Variants in MAGI2 observed in about 807,000 individuals in gnomAD.
MAGI2 encodes the protein membrane-associated guanylate kinase, WW and PDZ domain-containing protein 2.
Under a neutral mutation model 133.3 loss-of-function variants are expected in MAGI2, and 35 were observed. The ratio of observed to expected loss-of-function variants is 0.26; its 90% CI spans 0.20 to 0.35. The LOEUF (loss-of-function observed/expected upper bound fraction) is 0.35, where lower values mean the gene tolerates loss of function less well. Ranked by LOEUF, MAGI2 falls within the 10% of genes least tolerant of loss-of-function variation. The probability of loss-of-function intolerance (pLI) is 1.00; values close to 1 mark genes in which losing one functional copy is unlikely to be tolerated. For synonymous variants in MAGI2, 729 were observed against 710.6 expected (o/e 1.03, Z -0.41); for missense variants, 1,636 against 1,863.4 (o/e 0.88, Z 2.25).
At chr7:79,030,970 G>T (rs1031033006) in intron 1 of MAGI2, among the ~76,000 whole-genome samples, 1 of 152,142 alleles carries the variant, frequency 6.6e-6, no homozygotes, top group Non-Finnish European at 1.5e-5. Flanking sequence ...CTCAGGAACA[G>T]AATCTCAATA....
At chr7:78,603,492 G>A (rs1161630798) in intron 3 of MAGI2, among the ~76,000 whole-genome samples, 1 of 152,114 alleles carries the variant, frequency 6.6e-6, no homozygotes, top group Non-Finnish European at 1.5e-5. Flanking sequence ...AAGATTTGAA[G>A]CTTTCTTGAT....
At chr7:78,998,745 A>G (rs1246905375) in intron 2 of MAGI2, among the ~76,000 whole-genome samples, 1 of 152,184 alleles carries the variant, frequency 6.6e-6, no homozygotes, top group Non-Finnish European at 1.5e-5. Context: ...TTTAAGTCCC[A>G]TAAGAACACT....
intron 2 of MAGI2, among the ~76,000 whole-genome samples, chr7:78,819,027 T>C (rs1415089297): frequency 2.6e-5 from 4 of 152,128 alleles, no homozygotes; most frequent in African/African-American, 9.6e-5. Flanking sequence ...TACTGTTCTT[T>C]CAGTTTTTCT....
chr7:78,822,030 T>C (rs1276596962), intron 2 of MAGI2, among the ~76,000 whole-genome samples: 1 of 152,094 alleles, frequency 6.6e-6, no homozygotes, highest in Non-Finnish European at 1.5e-5. Flanking sequence ...TTTACACTGA[T>C]GAATATGCAA....
At position 78,508,137 on chromosome 7, in the gene MAGI2, C is replaced by T. The variant is rs571506729; in HGVS notation, c.755-6350G>A. 2.4e-4 allele frequency among the ~76,000 whole-genome samples: 36 copies of T among 152,260 alleles called. No homozygotes were observed. The South Asian group carries it at 7.3e-3, about 31-fold the overall frequency. ...CCAATTTCTTCTTTTTATAAGGACA[C>T]CAGTCATACTGGATGAAGGGTCTAC... is the stretch of plus-strand genomic sequence containing the variant. On this transcript the variant is annotated intron_variant, in intron 4 of 21. Transcript: ENST00000354212.
chr7:78,688,363 C>T (rs1034558130), intron 2 of MAGI2, among the ~76,000 whole-genome samples: 4 of 152,182 alleles, frequency 2.6e-5, no homozygotes, highest in African/African-American at 9.6e-5. Context: ...TTATTTTCTT[C>T]CTACCAAAAA....
chr7:79,335,313 GAACA>G (rs1408151459), intron 1 of MAGI2, among the ~76,000 whole-genome samples: 1 of 152,072 alleles, frequency 6.6e-6, no homozygotes, highest in Non-Finnish European at 1.5e-5. Context: ...GTGCTTGAGT[GAACA>G]TCAGTGACCA....
intron 1 of MAGI2, among the ~76,000 whole-genome samples, chr7:79,442,062 A>T (rs1585997075): frequency 2.0e-5 from 3 of 152,172 alleles, no homozygotes; most frequent in African/African-American, 7.2e-5. Context: ...ATTATCCCAT[A>T]CACTGCAACA....
intron 2 of MAGI2, among the ~76,000 whole-genome samples, chr7:78,918,038 C>A (rs992654787): frequency 6.6e-6 from 1 of 152,116 alleles, no homozygotes; most frequent in African/African-American, 2.4e-5. Flanking sequence ...AGGACTCCAA[C>A]TTCCTCGAAG....
At chr7:78,635,845 C>G (rs1052771551) in intron 2 of MAGI2, among the ~76,000 whole-genome samples, 3 of 152,192 alleles carry the variant, frequency 2.0e-5, no homozygotes, top group African/African-American at 7.2e-5. Flanking sequence ...TTGGCCAATG[C>G]CTGTAATCAA....
intron 21 of MAGI2, chr7:78,073,082 T>TA (rs1342995689): frequency 2.5e-5 from 10 of 396,856 alleles, no homozygotes; most frequent in Non-Finnish European, 4.0e-5. Flanking sequence ...ACTTACTGAT[T>TA]AAAGGAAGAC....
At chr7:78,699,125 T>C (rs1281923441) in intron 2 of MAGI2, among the ~76,000 whole-genome samples, 1 of 152,164 alleles carries the variant, frequency 6.6e-6, no homozygotes, top group African/African-American at 2.4e-5. Flanking sequence ...CTGTTGTTGT[T>C]TTGAATCAGG....
intron 1 of MAGI2, among the ~76,000 whole-genome samples, chr7:79,197,157 T>G (rs1004216777): frequency 1.3e-5 from 2 of 151,908 alleles, no homozygotes; most frequent in Non-Finnish European, 2.9e-5. Context: ...GAGCCTGTCC[T>G]TGTTCTTCCA....
chr7:78,574,171 C>G (rs1010056027), intron 3 of MAGI2, among the ~76,000 whole-genome samples: 9 of 152,182 alleles, frequency 5.9e-5, no homozygotes, highest in Non-Finnish European at 1.3e-4. Flanking sequence ...TTTACCCCAC[C>G]TTCAGCAAGC....
intron 9 of MAGI2, among the ~76,000 whole-genome samples, chr7:78,278,974 T>C (rs1173014689): frequency 1.3e-5 from 2 of 152,200 alleles, no homozygotes; most frequent in South Asian, 2.1e-4. Context: ...TTCAAACTTA[T>C]TTATTAAACT....
intron 2 of MAGI2, among the ~76,000 whole-genome samples, chr7:78,723,184 T>C (rs748138245): frequency 1.3e-5 from 2 of 152,196 alleles, no homozygotes; most frequent in Non-Finnish European, 2.9e-5. Context: ...TGATTTTTCT[T>C]CAAAACAAAA....
Position 78,913,038 on chromosome 7 carries a change from T to A in MAGI2, c.418+94052A>T, listed in dbSNP as rs115078072. Among the ~76,000 whole-genome samples, 978 of 151,960 alleles carry A rather than the reference T, an allele frequency of 6.4e-3. 8 individuals carry two copies. Among genetic ancestry groups the A allele is most frequent in the African/African-American group, 0.023 (937 of 41,454 alleles). On this transcript the variant is annotated intron_variant, in intron 2 of 21. Coordinates refer to ENST00000354212, the MANE Select transcript of MAGI2 (RefSeq NM_012301.4). ...CAGAGGGAACAGCTGTTTTGGAGCA[T>A]GGAGGCAAGAAGCAATGTAGTGACT...
At chr7:78,549,008 G>A (rs1247004582) in intron 3 of MAGI2, among the ~76,000 whole-genome samples, 11 of 151,950 alleles carry the variant, frequency 7.2e-5, no homozygotes, top group Non-Finnish European at 1.3e-4. Context: ...ATTCATTCAA[G>A]GAAAAAGTTT....
At chr7:78,119,528 T>C (rs1183318280) in intron 20 of MAGI2, among the ~76,000 whole-genome samples, 12 of 118,844 alleles carry the variant, frequency 1.0e-4, no homozygotes, top group Non-Finnish European at 1.9e-4. Context: ...GCCCCTGCAC[T>C]CCTGCCTGGG....
Sources: gnomAD v4.1 joint callset for allele counts (sites outside exome capture counted in the v4.1 genomes callset) on GRCh38, gnomAD v4.1.1 for gene constraint, MANE v1.5 for transcripts, NCBI Gene and HGNC (gene_info 2026-07-23, HGNC 2026-07-21) for gene names.